CEP112: variants seen among roughly 807,000 people sequenced by gnomAD.
CEP112 encodes the protein centrosomal protein 112.
Under a neutral mutation model 153.0 loss-of-function variants are expected in CEP112, and 127 were observed. That is an observed-to-expected ratio of 0.83 (90% CI 0.72 to 0.96). The LOEUF is 0.96. Among genes scored for constraint, CEP112 ranks in the 40% least tolerant of loss-of-function variants. CEP112 has a pLI of 0.00. For synonymous variants in CEP112, 358 were observed against 374.4 expected (o/e 0.96, Z 0.51); for missense variants, 1,089 against 1,101.2 (o/e 0.99, Z 0.16).
intron 20 of CEP112, among the ~76,000 whole-genome samples, chr17:65,882,446 T>C (rs1196123933): frequency 2.6e-5 from 4 of 152,220 alleles, no homozygotes; most frequent in Non-Finnish European, 4.4e-5. Flanking sequence ...GAAATCATTA[T>C]TATTTGGAGA....
chr17:65,664,109 T>A (rs2046555253), intron 24 of CEP112, among the ~76,000 whole-genome samples: 1 of 152,208 alleles, frequency 6.6e-6, no homozygotes, highest in African/African-American at 2.4e-5. Context: ...AAACTCAGTA[T>A]AACAGACATT....
intron 20 of CEP112, among the ~76,000 whole-genome samples, chr17:65,872,277 A>G (rs947180108): frequency 6.6e-6 from 1 of 152,082 alleles, no homozygotes; most frequent in East Asian, 1.9e-4. Context: ...AATAAATTCA[A>G]GTGTATATTC....
At chr17:65,993,016 T>G (rs2063653257) in intron 17 of CEP112, among the ~76,000 whole-genome samples, 1 of 152,194 alleles carries the variant, frequency 6.6e-6, no homozygotes, top group African/African-American at 2.4e-5. Context: ...CATGGTGATT[T>G]GCTGCACCCA....
intron 24 of CEP112, among the ~76,000 whole-genome samples, chr17:65,670,181 T>G (rs573821014): frequency 1.6e-3 from 244 of 151,400 alleles, no homozygotes; most frequent in Middle Eastern, 0.01. Flanking sequence ...TGTTGTTGTT[T>G]TTTTTTTAAC....
intron 21 of CEP112, among the ~76,000 whole-genome samples, chr17:65,801,519 T>C (rs747357527): frequency 1.6e-4 from 25 of 152,252 alleles, no homozygotes; most frequent in Admixed American, 9.8e-4. Context: ...TGGTATGTTT[T>C]ACACTTTTAT....
At chr17:65,798,866 T>C (rs1409887165) in intron 21 of CEP112, among the ~76,000 whole-genome samples, 1 of 152,214 alleles carries the variant, frequency 6.6e-6, no homozygotes, top group East Asian at 1.9e-4. Context: ...GAAAATGCAT[T>C]AGGAACCAGA....
chr17:66,062,308 G>A (rs1465798552), intron 11 of CEP112, among the ~76,000 whole-genome samples: 1 of 151,902 alleles, frequency 6.6e-6, no homozygotes, highest in Non-Finnish European at 1.5e-5. Flanking sequence ...CAATAATATA[G>A]GAGAAATAAA....
chr17:65,735,572 C>T (rs1197553332), intron 23 of CEP112, among the ~76,000 whole-genome samples: 3 of 132,162 alleles, frequency 2.3e-5, no homozygotes, highest in Admixed American at 7.9e-5. Flanking sequence ...ATTAACCTAT[C>T]GTAAAGTTGA....
intron 4 of CEP112, among the ~76,000 whole-genome samples, chr17:66,155,469 T>G (rs559305635): frequency 2.2e-4 from 34 of 151,776 alleles, no homozygotes; most frequent in African/African-American, 8.2e-4. Flanking sequence ...GGTGGCTGTT[T>G]GGGCAGACAT....
intron 22 of CEP112, among the ~76,000 whole-genome samples, chr17:65,746,744 GAAT>G (rs1309307437): frequency 6.6e-6 from 1 of 151,982 alleles, no homozygotes; most frequent in African/African-American, 2.4e-5. Flanking sequence ...CCTTCTCATA[GAAT>G]AATAATGTTA....
At chr17:66,161,016 G>A (rs1218169189) in intron 4 of CEP112, among the ~76,000 whole-genome samples, 1 of 151,552 alleles carries the variant, frequency 6.6e-6, no homozygotes, top group Admixed American at 6.6e-5. Flanking sequence ...TCAAAAAGTG[G>A]GCAAAGGATA....
chr17:65,902,136 T>C lies in CEP112; in HGVS notation c.2163+16A>G, dbSNP rs200648869. On this transcript the variant is annotated intron_variant, in intron 20 of 26. Transcript: ENST00000535342. ...AAAAACAGATACCCGTTTTATCAAA[T>C]ATTATTGATAATTACCTGTGCATCT... 6.9e-6 allele frequency: 11 copies of C among 1,583,504 alleles called. No individual in the cohort carries two copies. The East Asian group carries it at 2.2e-4, about 32-fold the overall frequency.
At chr17:66,140,147 C>G (rs528212899) in intron 4 of CEP112, among the ~76,000 whole-genome samples, 1 of 152,062 alleles carries the variant, frequency 6.6e-6, no homozygotes, top group Admixed American at 6.6e-5. Flanking sequence ...AAATGCGATA[C>G]CCCACATTAA....
rs71379948 is a variant in CEP112 at position 65,951,745 on chromosome 17, C to G, written c.1872+9718G>C. 2.4e-3 allele frequency among the ~76,000 whole-genome samples: 233 copies of G among 95,108 alleles called. 12 individuals are homozygous for G. The highest frequency in any genetic ancestry group is 5.6e-3 in the Admixed American group (49 of 8,760). 62.4% of individuals were successfully genotyped at this position (95,108 alleles called of 152,430 possible). On this transcript the variant is annotated intron_variant, in intron 18 of 26. Coordinates refer to ENST00000535342, the MANE Select transcript of CEP112 (RefSeq NM_001199165.4). ...GCTTTCTGCTCTAATCTTCCCCCGC[C>G]CCCCCCTTTCTTCCACTTGCTTAGA...
At chr17:65,738,477 A>C (rs2050930974) in intron 23 of CEP112, among the ~76,000 whole-genome samples, 1 of 152,194 alleles carries the variant, frequency 6.6e-6, no homozygotes, top group Admixed American at 6.5e-5. Flanking sequence ...AAAACAACAA[A>C]AAAAATCAAT....
chr17:65,690,113 CAA>C (rs67399289), intron 23 of CEP112, among the ~76,000 whole-genome samples: 1,330 of 62,432 alleles, frequency 0.021, 28 homozygotes, highest in African/African-American at 0.065. Context: ...GAAAACAGAC[CAA>C]AAAAAAAAAA....
intron 23 of CEP112, among the ~76,000 whole-genome samples, chr17:65,730,552 C>T (rs2050442863): frequency 6.6e-6 from 1 of 152,096 alleles, no homozygotes; most frequent in African/African-American, 2.4e-5. Context: ...TTTCCTTGTG[C>T]CCTACGGACG....
At chr17:65,784,546 T>C (rs1208676341) in intron 21 of CEP112, among the ~76,000 whole-genome samples, 1 of 152,146 alleles carries the variant, frequency 6.6e-6, no homozygotes, top group African/African-American at 2.4e-5. Flanking sequence ...AGTGGTGTGA[T>C]CTTGGCTGGC....
rs547002285 is a variant in CEP112, at chr17:66,084,771, C to CA, written c.768+11479dup. On this transcript the variant is annotated intron_variant, in intron 8 of 26. Coordinates refer to ENST00000535342, the MANE Select transcript of CEP112 (RefSeq NM_001199165.4). ...GCTGGAACAATAAGGTGACTACAGT[C>CA]AAAAAAAAAATTTAATTGTACATTT... 1.2e-3 allele frequency among the ~76,000 whole-genome samples: 173 copies of CA among 147,820 alleles called. 3 individuals are homozygous for CA. In the South Asian group the frequency reaches 0.034, roughly 29 times the overall value.
Sources: gnomAD v4.1 joint callset for allele counts (sites outside exome capture counted in the v4.1 genomes callset) on GRCh38, gnomAD v4.1.1 for gene constraint, MANE v1.5 for transcripts, NCBI Gene and HGNC (gene_info 2026-07-23, HGNC 2026-07-21) for gene names.